The following VWA8 variants were observed in gnomAD, a reference collection of about 807,000 sequenced individuals.
VWA8 encodes the protein von Willebrand factor A domain containing 8, also known as von Willebrand factor A domain-containing protein 8.
A neutral mutation model predicts 241.5 loss-of-function variants in VWA8; 221 were observed. The observed-to-expected ratio is 0.91, with a 90% CI of 0.82 to 1.02. The LOEUF (loss-of-function observed/expected upper bound fraction) is 1.02, where lower values mean the gene tolerates loss of function less well. Among genes scored for constraint, VWA8 ranks in the 50% least tolerant of loss-of-function variants. The pLI, the probability that VWA8 is intolerant of heterozygous loss-of-function variation, is 0.00. For synonymous variants in VWA8, 852 were observed against 827.1 expected, an observed-to-expected ratio of 1.03 and a Z score of -0.52; for missense variants, 2,322 against 2,328.7, an observed-to-expected ratio of 1.00 and a Z score of 0.06.
intron 2 of VWA8, among the ~76,000 whole-genome samples, chr13:41,916,773 A>G (rs1182588531): frequency 5.3e-5 from 8 of 152,210 alleles, no homozygotes. Flanking sequence ...CATACTTAAA[A>G]GCACGCCAGA....
intron 37 of VWA8, among the ~76,000 whole-genome samples, chr13:41,616,099 C>T (rs1224760731): frequency 6.6e-6 from 1 of 152,162 alleles, no homozygotes; most frequent in Non-Finnish European, 1.5e-5. Flanking sequence ...AATAAATGGG[C>T]CTGAAGTCAG....
intron 21 of VWA8, among the ~76,000 whole-genome samples, chr13:41,743,002 T>G (rs960343979): frequency 1.2e-4 from 19 of 152,192 alleles, no homozygotes; most frequent in Admixed American, 3.3e-4. Flanking sequence ...AAAGTATGAG[T>G]TTTCCAGGTA....
At chr13:41,726,740 A>G (rs925341590) in intron 24 of VWA8, among the ~76,000 whole-genome samples, 12 of 152,190 alleles carry the variant, frequency 7.9e-5, no homozygotes, top group Admixed American at 1.3e-4. Flanking sequence ...CACATCTGCA[A>G]TCTCAGCACT....
chr13:41,819,099 T>C (rs993482358), intron 15 of VWA8, 119 bp downstream of exon 15: 2 of 1,002,674 alleles, frequency 2.0e-6, no homozygotes, highest in Non-Finnish European at 2.8e-6. Context: ...ATGAAGAAAT[T>C]TGGGAGTAAA....
chr13:41,600,582 T>C (rs1283976373), intron 40 of VWA8, among the ~76,000 whole-genome samples: 2 of 152,008 alleles, frequency 1.3e-5, no homozygotes, highest in Non-Finnish European at 2.9e-5. Context: ...CAGATAGCCA[T>C]ATAAACATGA....
At chr13:41,918,532 T>C (rs1876364478) in intron 2 of VWA8, among the ~76,000 whole-genome samples, 1 of 152,200 alleles carries the variant, frequency 6.6e-6, no homozygotes, top group African/African-American at 2.4e-5. Context: ...CTGTGAGAAT[T>C]AACATGAATG....
chr13:41,704,324 C>T lies in VWA8; in HGVS notation c.3117-913G>A, dbSNP rs561572696. ...TTTCAGCACTAATCCACCAAGGGAG[C>T]TAAATGCTGATTTCTGATGGAATCA... On this transcript the variant is annotated intron_variant, in intron 26 of 44. Transcript: ENST00000379310. Among the ~76,000 whole-genome samples, 26 of 152,294 alleles carry T rather than the reference C, an allele frequency of 1.7e-4. 1 individual carries two copies. In the South Asian group the frequency reaches 5.4e-3, roughly 32 times the overall value.
intron 26 of VWA8, among the ~76,000 whole-genome samples, chr13:41,717,015 G>A (rs2045351939): frequency 6.6e-6 from 1 of 151,898 alleles, no homozygotes; most frequent in Non-Finnish European, 1.5e-5. Context: ...AAAAGTGTTA[G>A]TATCACATAT....
intron 26 of VWA8, among the ~76,000 whole-genome samples, chr13:41,711,423 A>G (rs2045315445): frequency 1.3e-5 from 2 of 152,210 alleles, no homozygotes; most frequent in Non-Finnish European, 2.9e-5. Context: ...TATAGGAGCT[A>G]TTAGCCCCCC....
chr13:41,696,289 T>C (rs865774915), intron 29 of VWA8, among the ~76,000 whole-genome samples: 26 of 152,316 alleles, frequency 1.7e-4, no homozygotes, highest in African/African-American at 4.8e-4. Context: ...TTTGTGATAA[T>C]TTCTGGTGGC....
intron 39 of VWA8, among the ~76,000 whole-genome samples, chr13:41,606,722 G>C (rs184080318): frequency 6.6e-6 from 1 of 152,120 alleles, no homozygotes; most frequent in Non-Finnish European, 1.5e-5. Context: ...ATTCACCATG[G>C]GGGAGAGCGC....
intron 22 of VWA8, among the ~76,000 whole-genome samples, chr13:41,730,227 T>C (rs1305548283): frequency 1.3e-5 from 2 of 152,180 alleles, no homozygotes; most frequent in African/African-American, 4.8e-5. Context: ...TGAGTGACTA[T>C]GAACAGTCTA....
rs1480082514 is a variant in VWA8, at chr13:41,703,303, C to A, written c.3225G>T (p.Lys1075Asn). Residue 1075 changes from lysine (K) to asparagine (N), a missense_variant and splice_region_variant, in exon 27 of 45, where the codon AAG becomes AAT. Physicochemically the swap from Lys to Asn is moderately conservative, Grantham distance 94. Coordinates refer to ENST00000379310, the MANE Select transcript of VWA8 (RefSeq NM_015058.2). ...AAGAGAGAATAATGATGATATCAAC[C>A]TTTATGTCTATATGATGAGTTTCCA... is the stretch of plus-strand genomic sequence containing the variant. ...CPVETHHIDIKGPALINIQEY... is the reference protein window; with the variant it reads ...CPVETHHIDINGPALINIQEY... 2.5e-6 allele frequency: 4 copies of A among 1,612,442 alleles called. No individual in the cohort carries two copies. The highest frequency in any genetic ancestry group is 3.4e-6 in the Non-Finnish European group (4 of 1,178,754).
chr13:41,834,317 T>C (rs1462938706), intron 12 of VWA8, among the ~76,000 whole-genome samples: 1 of 152,242 alleles, frequency 6.6e-6, no homozygotes, highest in Non-Finnish European at 1.5e-5. Context: ...TTCTATCACC[T>C]TCAGATACAT....
At chr13:41,802,328 T>A (rs1869995765) in intron 17 of VWA8, among the ~76,000 whole-genome samples, 1 of 152,238 alleles carries the variant, frequency 6.6e-6, no homozygotes, top group African/African-American at 2.4e-5. Context: ...GGAATAATCA[T>A]TCATCCCAGG....
chr13:41,736,849 T>C (rs544157173), intron 21 of VWA8, among the ~76,000 whole-genome samples: 12 of 142,854 alleles, frequency 8.4e-5, no homozygotes, highest in South Asian at 2.1e-4. Context: ...CTTTTCTTTT[T>C]TTTTTTTTTT....
chr13:41,898,975 C>T (rs1875291513), intron 4 of VWA8, among the ~76,000 whole-genome samples: 1 of 152,254 alleles, frequency 6.6e-6, no homozygotes, highest in Non-Finnish European at 1.5e-5. Context: ...CCACACCTCC[C>T]TGCAAGCTGA....
chr13:41,766,654 C>A (rs61964897), intron 20 of VWA8, among the ~76,000 whole-genome samples: 16,074 of 152,226 alleles, frequency 0.11, 1,263 homozygotes, highest in East Asian at 0.29. Flanking sequence ...CCCCACCTAG[C>A]CTTCTGATAA....
intron 17 of VWA8, among the ~76,000 whole-genome samples, chr13:41,797,406 T>C (rs1047497159): frequency 3.9e-5 from 6 of 152,156 alleles, no homozygotes; most frequent in Non-Finnish European, 7.4e-5. Context: ...CATGTGTGCT[T>C]GAAAAGAATG....
Sources: gnomAD v4.1 joint callset for allele counts (sites outside exome capture counted in the v4.1 genomes callset) on GRCh38, gnomAD v4.1.1 for gene constraint, MANE v1.5 for transcripts, NCBI Gene and HGNC (gene_info 2026-07-23, HGNC 2026-07-21) for gene names.